The following FBXL17 variants were observed in gnomAD, a reference collection of about 807,000 sequenced individuals.
FBXL17 encodes the protein F-box/LRR-repeat protein 17.
Under a neutral mutation model 66.2 loss-of-function variants are expected in FBXL17, and 22 were observed. The ratio of observed to expected loss-of-function variants is 0.33; its 90% CI spans 0.24 to 0.47. FBXL17 has a LOEUF of 0.47. Among genes scored for constraint, FBXL17 ranks in the 20% least tolerant of loss-of-function variants. The pLI is 1.00. For missense variants in FBXL17, 878 were observed against 948.2 expected, an observed-to-expected ratio of 0.93 and a Z score of 0.97; for synonymous variants, 474 against 400.5, an observed-to-expected ratio of 1.18 and a Z score of -2.19.
chr5:108,327,558 C>A (rs1759916671), intron 4 of FBXL17, among the ~76,000 whole-genome samples: 1 of 152,026 alleles, frequency 6.6e-6, no homozygotes, highest in Non-Finnish European at 1.5e-5. Flanking sequence ...GACTGGAACA[C>A]CCACTGTGGA....
At chr5:107,994,445 C>T (rs1329951959) in intron 7 of FBXL17, among the ~76,000 whole-genome samples, 1 of 151,920 alleles carries the variant, frequency 6.6e-6, no homozygotes, top group East Asian at 1.9e-4. Flanking sequence ...TTCTTTGAGG[C>T]CACAGGTAAT....
chr5:108,190,619 A>G (rs1398426600), intron 5 of FBXL17, among the ~76,000 whole-genome samples: 4 of 152,188 alleles, frequency 2.6e-5, no homozygotes, highest in African/African-American at 9.6e-5. Context: ...ATTTTTCACA[A>G]GATTTTGCAT....
intron 5 of FBXL17, among the ~76,000 whole-genome samples, chr5:108,216,168 G>A (rs561864026): frequency 7.9e-5 from 12 of 151,404 alleles, no homozygotes; most frequent in Non-Finnish European, 1.3e-4. Flanking sequence ...AGATAGTTAC[G>A]GCTCTTCAGT....
intron 7 of FBXL17, among the ~76,000 whole-genome samples, chr5:107,928,245 C>A (rs1315064028): frequency 6.6e-6 from 1 of 151,942 alleles, no homozygotes; most frequent in African/African-American, 2.4e-5. Context: ...AGGTTTTTCA[C>A]TAAGATTAAA....
chr5:108,220,229 A>T (rs549670287), intron 5 of FBXL17, among the ~76,000 whole-genome samples: 1 of 151,918 alleles, frequency 6.6e-6, no homozygotes, highest in Non-Finnish European at 1.5e-5. Context: ...GGATTCTTCT[A>T]TGCAGTTCTC....
chr5:108,283,495 C>A (rs1240392701), intron 4 of FBXL17, among the ~76,000 whole-genome samples: 1 of 151,720 alleles, frequency 6.6e-6, no homozygotes, highest in Non-Finnish European at 1.5e-5. Context: ...AAGGATAAAA[C>A]TGGACCCCAA....
chr5:107,900,731 C>T (rs148789354), intron 7 of FBXL17, among the ~76,000 whole-genome samples: 112 of 152,194 alleles, frequency 7.4e-4, no homozygotes, highest in Non-Finnish European at 1.3e-3. Flanking sequence ...AAAGCTTCTA[C>T]TTAAGTAGTT....
chr5:107,900,263 T>C (rs574427628), intron 7 of FBXL17, among the ~76,000 whole-genome samples: 148 of 152,282 alleles, frequency 9.7e-4, no homozygotes, highest in African/African-American at 3.4e-3. Context: ...TGAAATAGTA[T>C]TATGCTTCCA....
chr5:108,296,277 A>G (rs1758346905), intron 4 of FBXL17, among the ~76,000 whole-genome samples: 1 of 151,860 alleles, frequency 6.6e-6, no homozygotes, highest in Non-Finnish European at 1.5e-5. Context: ...AGAGGAGTCA[A>G]GGGGAATCAG....
chr5:108,269,895 T>G (rs73781309), intron 4 of FBXL17, among the ~76,000 whole-genome samples: 7,672 of 152,216 alleles, frequency 0.05, 647 homozygotes, highest in African/African-American at 0.18. Flanking sequence ...ACCTAGGTAC[T>G]GCCCTAAAAT....
chr5:108,143,034 T>C (rs754910596), intron 6 of FBXL17, among the ~76,000 whole-genome samples: 1 of 145,998 alleles, frequency 6.8e-6, no homozygotes, highest in African/African-American at 2.5e-5. Context: ...AACCCTGTTA[T>C]GAACTGCTCA....
chr5:108,257,175 A>G (rs1427758444), intron 4 of FBXL17, among the ~76,000 whole-genome samples: 1 of 152,190 alleles, frequency 6.6e-6, no homozygotes, highest in Admixed American at 6.5e-5. Flanking sequence ...ATGTGACGTA[A>G]TGAAAACAGC....
chr5:107,924,050 T>A (rs1171918504), intron 7 of FBXL17, among the ~76,000 whole-genome samples: 1 of 143,126 alleles, frequency 7.0e-6, no homozygotes, highest in Admixed American at 7.6e-5. Context: ...AAGTGGCATA[T>A]GAGCTTAGTG....
At chr5:108,348,300 C>A in intron 4 of FBXL17, 99 bp downstream of exon 4, 2 of 1,097,574 alleles carry the variant, frequency 1.8e-6, no homozygotes, top group South Asian at 4.1e-5. Context: ...GTATTTGAAC[C>A]ATCACAAGAA....
At chr5:107,925,716 G>A (rs1750504733) in intron 7 of FBXL17, among the ~76,000 whole-genome samples, 2 of 152,164 alleles carry the variant, frequency 1.3e-5, no homozygotes, top group Admixed American at 1.3e-4. Flanking sequence ...GTTCATTAAT[G>A]TACTCTCTAA....
At chr5:108,273,760 T>A (rs1460323638) in intron 4 of FBXL17, among the ~76,000 whole-genome samples, 1 of 152,048 alleles carries the variant, frequency 6.6e-6, no homozygotes, top group Non-Finnish European at 1.5e-5. Context: ...AAAAATAAGT[T>A]GAAGAGATGA....
intron 6 of FBXL17, among the ~76,000 whole-genome samples, chr5:108,169,868 C>T (rs1752542188): frequency 6.6e-6 from 1 of 152,130 alleles, no homozygotes; most frequent in African/African-American, 2.4e-5. Flanking sequence ...AATCCATCAA[C>T]ATGCATTTAG....
intron 3 of FBXL17, among the ~76,000 whole-genome samples, chr5:108,359,975 G>C (rs1032357170): frequency 1.3e-5 from 2 of 152,038 alleles, no homozygotes; most frequent in Non-Finnish European, 2.9e-5. Flanking sequence ...GGATTCTGTT[G>C]TTAGGTACAT....
intron 7 of FBXL17, among the ~76,000 whole-genome samples, chr5:107,951,018 A>G (rs1248221566): frequency 6.6e-6 from 1 of 152,160 alleles, no homozygotes; most frequent in African/African-American, 2.4e-5. Flanking sequence ...CCTGCCACTA[A>G]TGTCCTAATA....
Sources: allele counts gnomAD v4.1 joint callset (sites outside exome capture counted in the v4.1 genomes callset), GRCh38; gene constraint gnomAD v4.1.1; transcripts MANE v1.5; gene names NCBI Gene and HGNC (gene_info 2026-07-23, HGNC 2026-07-21).